C1QTNF3: variants seen among roughly 807,000 people sequenced by gnomAD.
C1QTNF3 encodes complement C1q tumor necrosis factor-related protein 3.
C1QTNF3 carries 26 observed loss-of-function variants against 32.6 expected under a neutral mutation model. The observed-to-expected ratio is 0.80, with a 90% confidence interval of 0.58 to 1.11. C1QTNF3 has a LOEUF of 1.11. Ranked by LOEUF, C1QTNF3 falls within the 50% of genes least tolerant of loss-of-function variation. C1QTNF3 has a pLI of 0.00. For synonymous variants in C1QTNF3, 155 were observed against 146.0 expected (o/e 1.06, Z -0.44); for missense variants, 362 against 398.2 (o/e 0.91, Z 0.77).
intron 2 of C1QTNF3, among the ~76,000 whole-genome samples, chr5:34,035,207 T>C (rs1478870657): frequency 6.6e-6 from 1 of 152,124 alleles, no homozygotes; most frequent in African/African-American, 2.4e-5. Context: ...CCCATACCAC[T>C]ACATGGTACT....
chr5:34,132,095 T>C, the C1QTNF3 span, among the ~76,000 whole-genome samples: 2 of 152,168 alleles, frequency 1.3e-5, no homozygotes, highest in Admixed American at 6.5e-5. Context: ...ATATTAAGAA[T>C]AGTGTAGCTG....
At chr5:34,114,721 AAAC>A in the C1QTNF3 span, among the ~76,000 whole-genome samples, 1 of 152,160 alleles carries the variant, frequency 6.6e-6, no homozygotes, top group Admixed American at 6.5e-5. Context: ...ACACTTGACT[AAAC>A]AAATTCTATA....
the C1QTNF3 span, among the ~76,000 whole-genome samples, chr5:34,210,510 AT>A: frequency 9.9e-4 from 144 of 145,104 alleles, no homozygotes; most frequent in African/African-American, 8.5e-4. Context: ...TGCTCACATA[AT>A]TTTTTTTTTT....
At chr5:34,238,657 C>A in the C1QTNF3 span, among the ~76,000 whole-genome samples, 1 of 151,706 alleles carries the variant, frequency 6.6e-6, no homozygotes, top group Non-Finnish European at 1.5e-5. Context: ...ACCAAATCTA[C>A]GACTCATTGT....
At chr5:34,023,223 A>G (rs1263851985) in intron 5 of C1QTNF3, among the ~76,000 whole-genome samples, 1 of 152,124 alleles carries the variant, frequency 6.6e-6, no homozygotes, top group Non-Finnish European at 1.5e-5. Context: ...AGGAAGAATA[A>G]ACCCACTCCC....
chr5:34,236,570 C>CTTTT, the C1QTNF3 span, among the ~76,000 whole-genome samples: 11 of 27,300 alleles, frequency 4.0e-4, no homozygotes, highest in African/African-American at 6.3e-4. Flanking sequence ...TTTCTTTTTT[C>CTTTT]TTTTTTTTTT....
chr5:34,064,412 C>A, the C1QTNF3 span, among the ~76,000 whole-genome samples: 1 of 152,260 alleles, frequency 6.6e-6, no homozygotes, highest in Admixed American at 6.5e-5. Flanking sequence ...CTTGGCCTCA[C>A]AGATTCCAAG....
At chr5:34,120,115 G>A in the C1QTNF3 span, among the ~76,000 whole-genome samples, 9 of 152,210 alleles carry the variant, frequency 5.9e-5, no homozygotes, top group Admixed American at 4.6e-4. Context: ...GTCACCTAAT[G>A]CTTTTACAAT....
the C1QTNF3 span, among the ~76,000 whole-genome samples, chr5:34,091,266 C>T: frequency 1.3e-5 from 2 of 152,284 alleles, no homozygotes; most frequent in African/African-American, 4.8e-5. Context: ...AGCGGCCCCA[C>T]CTACTTTGTA....
the C1QTNF3 span, among the ~76,000 whole-genome samples, chr5:34,055,115 T>C: frequency 6.6e-6 from 1 of 152,226 alleles, no homozygotes; most frequent in Non-Finnish European, 1.5e-5. Context: ...GCAGGAACAG[T>C]TTGGCTGTAA....
chr5:34,083,308 C>T, the C1QTNF3 span, among the ~76,000 whole-genome samples: 1 of 151,504 alleles, frequency 6.6e-6, no homozygotes, highest in African/African-American at 2.4e-5. Context: ...CGATTTAATC[C>T]TGCCATTTAC....
chr5:34,040,781 A>G (rs1401611170), intron 1 of C1QTNF3, among the ~76,000 whole-genome samples: 4 of 146,332 alleles, frequency 2.7e-5, no homozygotes, highest in Middle Eastern at 3.3e-3. Context: ...GCCACAGCCA[A>G]CTCCTCACAG....
chr5:34,108,006 C>T, the C1QTNF3 span, among the ~76,000 whole-genome samples: 5 of 151,826 alleles, frequency 3.3e-5, no homozygotes, highest in African/African-American at 4.8e-5. Context: ...GAGGCCAATG[C>T]GAACCTACAT....
chr5:34,081,182 T>C, the C1QTNF3 span, among the ~76,000 whole-genome samples: 2 of 151,686 alleles, frequency 1.3e-5, no homozygotes, highest in African/African-American at 4.9e-5. Flanking sequence ...GTAGGCGCAG[T>C]GCCTAAAACA....
the C1QTNF3 span, among the ~76,000 whole-genome samples, chr5:34,056,473 TATATATAG>T: frequency 3.6e-4 from 38 of 106,972 alleles, no homozygotes; most frequent in South Asian, 1.1e-3. Context: ...TATATATATA[TATATATAG>T]AGAGAGAGAG....
At chr5:34,056,858 A>G in the C1QTNF3 span, among the ~76,000 whole-genome samples, 1 of 152,172 alleles carries the variant, frequency 6.6e-6, no homozygotes, top group Admixed American at 6.5e-5. Flanking sequence ...AGACATTTTC[A>G]TGAATTGGAA....
At chr5:34,132,806 G>T in the C1QTNF3 span, among the ~76,000 whole-genome samples, 1 of 152,084 alleles carries the variant, frequency 6.6e-6, no homozygotes, top group Non-Finnish European at 1.5e-5. Context: ...CTGGATATGG[G>T]CTCTGTAACT....
At chr5:34,157,650 C>A in the C1QTNF3 span, among the ~76,000 whole-genome samples, 1 of 152,122 alleles carries the variant, frequency 6.6e-6, no homozygotes, top group Non-Finnish European at 1.5e-5. Context: ...GAAGAATGAT[C>A]AGAGAGATAA....
the C1QTNF3 span, among the ~76,000 whole-genome samples, chr5:34,162,542 A>G: frequency 6.6e-6 from 1 of 152,168 alleles, no homozygotes; most frequent in Non-Finnish European, 1.5e-5. Flanking sequence ...ATTACTAGAT[A>G]TGGCAGAAAA....
Sources: allele counts gnomAD v4.1 joint callset (sites outside exome capture counted in the v4.1 genomes callset), GRCh38; gene constraint gnomAD v4.1.1; transcripts MANE v1.5; gene names NCBI Gene and HGNC (gene_info 2026-07-23, HGNC 2026-07-21).